PDE4D: variants seen among roughly 807,000 people sequenced by gnomAD.
PDE4D encodes the protein phosphodiesterase 4D, also known as 3',5'-cyclic-AMP phosphodiesterase 4D.
In PDE4D, 24 loss-of-function variants were observed where a neutral mutation model predicts 87.4. The observed-to-expected ratio is 0.27, with a 90% CI of 0.20 to 0.39. PDE4D has a LOEUF of 0.39. Ranked by LOEUF, PDE4D falls within the 10% of genes least tolerant of loss-of-function variation. PDE4D has a pLI of 1.00. For synonymous variants in PDE4D, 384 were observed against 383.2 expected, an observed-to-expected ratio of 1.00 and a Z score of -0.02; for missense variants, 714 against 1,041.0, an observed-to-expected ratio of 0.69 and a Z score of 4.32.
chr5:58,989,934 A>G lies in PDE4D; in HGVS notation c.1288-15T>C, dbSNP rs1032875351. The stretch of plus-strand genomic sequence containing the variant: ...AAATCCCGTTCCTGTAGGAAAAAAA[A>G]TCATCTTAACATTTTTGTCTTTATG... On this transcript the variant is annotated splice_polypyrimidine_tract_variant and intron_variant, in intron 9 of 14. Coordinates refer to ENST00000340635, the MANE Select transcript of PDE4D (RefSeq NM_001104631.2). The G allele has an allele frequency of 1.1e-5, 16 of 1,460,924 alleles. No homozygotes were observed. Among genetic ancestry groups the G allele is most frequent in the Non-Finnish European group, 1.5e-5 (16 of 1,059,094 alleles). The allele number at this position is 1,460,924 out of a possible 1,614,324, so 90.5% of individuals were successfully genotyped here. A position where few individuals can be genotyped will look rare whatever the true frequency, so the allele number is the denominator to read the frequency against.
At chr5:59,777,909 CA>C (rs912911834) in intron 1 of PDE4D, among the ~76,000 whole-genome samples, 36 of 150,368 alleles carry the variant, frequency 2.4e-4, no homozygotes, top group Admixed American at 7.9e-4. Context: ...TTAGATGAGA[CA>C]AAAAAAAGAA....
chr5:60,474,139 T>C (rs1407425909), intron 1 of PDE4D, among the ~76,000 whole-genome samples: 2 of 97,188 alleles, frequency 2.1e-5, no homozygotes, highest in Non-Finnish European at 3.7e-5. Flanking sequence ...TATATATATA[T>C]ATATATATAT....
At chr5:60,311,912 C>T (rs936879126) in intron 1 of PDE4D, among the ~76,000 whole-genome samples, 3 of 151,956 alleles carry the variant, frequency 2.0e-5, no homozygotes, top group Non-Finnish European at 4.4e-5. Flanking sequence ...TAATTTCAGA[C>T]AAAATTGACT....
At chr5:60,388,396 T>TAA (rs565491012) in intron 1 of PDE4D, among the ~76,000 whole-genome samples, 1 of 142,890 alleles carries the variant, frequency 7.0e-6, no homozygotes, top group African/African-American at 2.7e-5. Flanking sequence ...TTATTTTTTC[T>TAA]AAAAAAAAAA....
At chr5:59,796,915 A>C (rs1325942210) in intron 1 of PDE4D, 1 of 152,186 alleles carries the variant, frequency 6.6e-6, no homozygotes, top group Admixed American at 6.5e-5. Flanking sequence ...ATGAACTTGG[A>C]AATTTTTCAA....
intron 1 of PDE4D, among the ~76,000 whole-genome samples, chr5:59,816,236 T>C (rs1282259004): frequency 3.3e-5 from 5 of 152,232 alleles, no homozygotes; most frequent in African/African-American, 7.2e-5. Flanking sequence ...TACATTCAGG[T>C]GGACTCCTTA....
chr5:60,135,456 C>G (rs1779955658), intron 2 of PDE4D, among the ~76,000 whole-genome samples: 1 of 152,074 alleles, frequency 6.6e-6, no homozygotes, highest in Non-Finnish European at 1.5e-5. Context: ...TCATGGAAGA[C>G]TAACGTGCAA....
chr5:58,988,869 AAG>A (rs1747191659), intron 10 of PDE4D, among the ~76,000 whole-genome samples: 1 of 152,102 alleles, frequency 6.6e-6, no homozygotes, highest in African/African-American at 2.4e-5. Context: ...ATTATTTTAA[AAG>A]AAAATAATAG....
At chr5:59,394,860 G>C (rs1377843481) in intron 1 of PDE4D, among the ~76,000 whole-genome samples, 1 of 152,088 alleles carries the variant, frequency 6.6e-6, no homozygotes. Context: ...GTAGGCGCAG[G>C]TCAGTGGGTG....
intron 5 of PDE4D, among the ~76,000 whole-genome samples, chr5:59,138,498 G>A (rs575605282): frequency 2.4e-4 from 36 of 152,242 alleles, no homozygotes; most frequent in African/African-American, 8.4e-4. Flanking sequence ...TATTAGTCAG[G>A]CTAGTCTCGA....
chr5:59,044,743 A>T (rs1760328002), intron 5 of PDE4D, among the ~76,000 whole-genome samples: 1 of 152,220 alleles, frequency 6.6e-6, no homozygotes, highest in Admixed American at 6.5e-5. Context: ...GTTTTGAAGT[A>T]TTTTAAAATT....
At chr5:60,064,419 C>T (rs1771820994) in intron 2 of PDE4D, among the ~76,000 whole-genome samples, 1 of 151,908 alleles carries the variant, frequency 6.6e-6, no homozygotes, top group African/African-American at 2.4e-5. Flanking sequence ...CATCTTATGC[C>T]TTTTTGTATA....
chr5:59,978,250 C>T (rs1014979654), intron 3 of PDE4D, among the ~76,000 whole-genome samples: 10 of 152,042 alleles, frequency 6.6e-5, no homozygotes, highest in African/African-American at 1.4e-4. Context: ...CAAAGTAAGT[C>T]GAAAACTTTC....
At chr5:60,284,127 A>C (rs1752198179) in intron 1 of PDE4D, among the ~76,000 whole-genome samples, 1 of 152,142 alleles carries the variant, frequency 6.6e-6, no homozygotes. Flanking sequence ...AAATAACTAA[A>C]TAGTACACTT....
intron 2 of PDE4D, among the ~76,000 whole-genome samples, chr5:60,180,849 C>T (rs1465012336): frequency 2.0e-5 from 3 of 152,062 alleles, no homozygotes; most frequent in Non-Finnish European, 4.4e-5. Flanking sequence ...TCTCCCGTGA[C>T]CTTCTTGGAC....
intron 1 of PDE4D, among the ~76,000 whole-genome samples, chr5:60,354,186 A>G (rs1321709431): frequency 1.3e-5 from 2 of 152,178 alleles, no homozygotes; most frequent in African/African-American, 2.4e-5. Context: ...GAAAGGAGGT[A>G]TATTTGAATC....
In PDE4D at chr5:59,136,220, T is replaced by C. The variant is rs1202810567; in HGVS notation, c.808+44375A>G. Reference sequence around the variant, plus strand: ...TGTATGAAAGGTGACTAATTTTCTTTGCAATTAAATTAGATGGGGAAAATA... The same window carrying C: ...TGTATGAAAGGTGACTAATTTTCTTCGCAATTAAATTAGATGGGGAAAATA... On this transcript the variant is annotated intron_variant, in intron 5 of 14. Coordinates refer to ENST00000340635, the MANE Select transcript of PDE4D (RefSeq NM_001104631.2). Among the ~76,000 whole-genome samples, 6 of 152,188 alleles carry C rather than the reference T, an allele frequency of 3.9e-5. 1 individual carries two copies. The highest frequency in any genetic ancestry group is 3.9e-4 in the Admixed American group (6 of 15,280).
chr5:59,429,684 T>A (rs932044902), intron 1 of PDE4D, among the ~76,000 whole-genome samples: 1 of 152,132 alleles, frequency 6.6e-6, no homozygotes, highest in African/African-American at 2.4e-5. Context: ...AAAATGACGT[T>A]GTATAAAACC....
intron 1 of PDE4D, among the ~76,000 whole-genome samples, chr5:60,194,141 G>GA (rs534149406): frequency 2.1e-4 from 32 of 150,890 alleles, no homozygotes; most frequent in African/African-American, 6.3e-4. Context: ...CAAGCTATTT[G>GA]AAAAAAAATG....
Sources: gnomAD v4.1 joint callset for allele counts (sites outside exome capture counted in the v4.1 genomes callset) on GRCh38, gnomAD v4.1.1 for gene constraint, MANE v1.5 for transcripts, NCBI Gene and HGNC (gene_info 2026-07-23, HGNC 2026-07-21) for gene names.